Variants in IL2RG observed in about 807,000 individuals in gnomAD.
IL2RG encodes cytokine receptor common subunit gamma.
For missense variants in IL2RG, 205 were observed against 272.9 expected (o/e 0.75, Z 1.75); for synonymous variants, 111 against 108.5 (o/e 1.02, Z -0.15).
In IL2RG at chrX:71,110,139, C is replaced by T. The variant is rs1005449113; in HGVS notation, c.594+17G>A. The T allele has an allele frequency of 1.1e-5, 13 of 1,208,854 alleles. No individual in the cohort carries two copies. Among genetic ancestry groups the T allele is most frequent in the East Asian group, 5.9e-5 (2 of 33,812 alleles). On this transcript the variant is annotated intron_variant, in intron 4 of 7. Coordinates refer to ENST00000374202, the MANE Select transcript of IL2RG (RefSeq NM_000206.3). ...TTCTTGGCCTTAGCTGCTACATTCA[C>T]GTCCCTAGTCACTCACAGTCCAGCT...
Position 71,108,265 on chromosome X carries a change from C to G in IL2RG, c.924+12G>C, listed in dbSNP as rs1486616402. 1 of 1,168,258 alleles carries G rather than the reference C, an allele frequency of 8.6e-7. No individual in the cohort carries two copies. Among genetic ancestry groups the G allele is most frequent in the East Asian group, 3.0e-5 (1 of 33,694 alleles). On this transcript the variant is annotated intron_variant, in intron 7 of 7. Coordinates refer to ENST00000374202, the MANE Select transcript of IL2RG (RefSeq NM_000206.3). Reference sequence around the variant, plus strand: ...TTGATAGACTGCAGCATGCTTATGACAGCGTTCTCACCGAAAAGTTCCCGT... The same window carrying G: ...TTGATAGACTGCAGCATGCTTATGAGAGCGTTCTCACCGAAAAGTTCCCGT...
chrX:71,109,187 G>A, intron 5 of IL2RG, 41 bp downstream of exon 5: 4 of 1,175,358 alleles, frequency 3.4e-6, no homozygotes, highest in Non-Finnish European at 4.6e-6. Context: ...GAAAGGCTGG[G>A]GTGTTGGGCT....
rs773342053 is a variant in IL2RG at position 71,110,183 on chromosome X, G to A, written c.567C>T (p.Tyr189=). Residue 189 remains tyrosine (Y), a synonymous_variant, in exon 4 of 8, where the codon TAC becomes TAT. Transcript: ENST00000374202. The stretch of plus-strand genomic sequence containing the variant: ...TCCAGCTGTGGTCCCAGTCAGTCCG[G>A]TACTGCACCAAGTGCTCCAAACAGT... ...LNHCLEHLVQ[Y]RTDWDHSWTE... 49 of 1,208,596 alleles carry A rather than the reference G, an allele frequency of 4.1e-5. No homozygotes were observed. The South Asian group carries it at 6.7e-4, about 17-fold the overall frequency.
chrX:71,111,250 C>CAAGAAAGA (rs10693207), intron 1 of IL2RG, 175 bp downstream of exon 1: 3 of 694,889 alleles, frequency 4.3e-6, no homozygotes, highest in Non-Finnish European at 6.4e-6. Context: ...AACAAACAAA[C>CAAGAAAGA]AAGAAAGAAA....
intron 6 of IL2RG, 32 bp downstream of exon 6, chrX:71,108,567 C>T: frequency 9.7e-7 from 1 of 1,028,557 alleles, no homozygotes. Context: ...GCTACCGTTC[C>T]CCTCATTTTT....
Position 71,107,762 on chromosome X carries a change from A to G in IL2RG, c.1084T>C (p.Cys362Arg). ...NQHSPYWAPP[C>R]YTLKPET ...CAGGTTTCAGGCTTTAGGGTGTAAC[A>G]TGGGGGGGCCCAGTAGGGGCTATGC... Residue 362 changes from cysteine (C) to arginine (R), a missense_variant, in exon 8 of 8, where the codon TGT becomes CGT. Physicochemically the swap from Cys to Arg is radical, Grantham distance 180. Transcript: ENST00000374202. The G allele has an allele frequency of 1.7e-6, 2 of 1,151,619 alleles. No individual in the cohort carries two copies. The highest frequency in any genetic ancestry group is 2.3e-6 in the Non-Finnish European group (2 of 866,709). The allele number at this position is 1,151,619 out of a possible 1,213,427, so 94.9% of individuals were successfully genotyped here. A position where few individuals can be genotyped will look rare whatever the true frequency, so the allele number is the denominator to read the frequency against.
intron 5 of IL2RG, among the ~76,000 whole-genome samples, chrX:71,108,996 C>G (rs1004443516): frequency 8.9e-6 from 1 of 112,125 alleles, no homozygotes; most frequent in African/African-American, 3.2e-5. Context: ...CATTCTATAG[C>G]CCCCTTGAGT....
chrX:71,109,524 C>A, intron 4 of IL2RG, 134 bp from the exon 5 acceptor site: 1 of 583,901 alleles, frequency 1.7e-6, no homozygotes, highest in Non-Finnish European at 2.8e-6. Context: ...ACTCAAGCCA[C>A]ACTGCTCCCT....
intron 3 of IL2RG, 91 bp from the exon 4 acceptor site, chrX:71,110,386 T>C: frequency 9.0e-7 from 1 of 1,116,474 alleles, no homozygotes; most frequent in Non-Finnish European, 1.2e-6. Flanking sequence ...TCCCTTCCCA[T>C]CATGATCCCC....
rs1052065265 is a variant in IL2RG at position 71,108,775 on chromosome X, C to T, written c.758-80G>A. Reference sequence around the variant, plus strand: ...TGCCAGGCACTGGTGCCAGGCACCGCGCTAAAGACATACTCTCTGTTTAAT... The same window carrying T: ...TGCCAGGCACTGGTGCCAGGCACCGTGCTAAAGACATACTCTCTGTTTAAT... On this transcript the variant is annotated intron_variant, in intron 5 of 7. Transcript: ENST00000374202. 5.2e-5 allele frequency: 32 copies of T among 616,101 alleles called. No individual in the cohort carries two copies. The South Asian group carries it at 5.6e-4, about 11-fold the overall frequency. 50.8% of individuals were successfully genotyped at this position (616,101 alleles called of 1,213,427 possible).
intron 7 of IL2RG, 100 bp downstream of exon 7, chrX:71,108,177 C>A: frequency 1.5e-6 from 1 of 653,170 alleles, no homozygotes. Context: ...GCAGGGCCTC[C>A]TTCCCTCTCC....
At chrX:71,111,074 C>A (rs1370628317) in intron 1 of IL2RG, 24 bp from the exon 2 acceptor site, 1 of 1,169,840 alleles carries the variant, frequency 8.5e-7, no homozygotes, top group Admixed American at 2.4e-5. Context: ...AAAATGAAGG[C>A]AGGGAGGGAA....
In IL2RG at chrX:71,109,349, A is replaced by G; in HGVS notation, c.636T>C (p.Ser212=). 1 of 1,211,071 alleles carries G rather than the reference A, an allele frequency of 8.3e-7. No homozygotes were observed. The highest frequency in any genetic ancestry group is 1.1e-6 in the Non-Finnish European group (1 of 894,574). Residue 212 remains serine, a synonymous_variant, in exon 5 of 8, where the codon AGT becomes AGC. Coordinates refer to ENST00000374202, the MANE Select transcript of IL2RG (RefSeq NM_000206.3). ...VDYRHKFSLP[S]VDGQKRYTFR... ...ACGTGTAGCGTTTCTGCCCATCCACACTAGGCAAGGAGAACTTATGTCTAT... is the reference window on the plus strand; with the variant it reads ...ACGTGTAGCGTTTCTGCCCATCCACGCTAGGCAAGGAGAACTTATGTCTAT...
intron 1 of IL2RG, 150 bp downstream of exon 1, chrX:71,111,275 A>T: frequency 1.3e-6 from 1 of 774,258 alleles, no homozygotes; most frequent in Non-Finnish European, 1.9e-6. Context: ...AAGTAGCGTG[A>T]GGCAGGGAAC....
At position 71,111,145 on chromosome X, in the gene IL2RG, GC is replaced by G. The variant is rs767926866; in HGVS notation, c.116-96del. On this transcript the variant is annotated intron_variant, in intron 1 of 7. Coordinates refer to ENST00000374202, the MANE Select transcript of IL2RG (RefSeq NM_000206.3). ...GGTGGCTCATGTCTGTAATCCTGGT[GC>G]TTTGAAAGGCTGAGGCAGGAGGATC... is the stretch of plus-strand genomic sequence containing the variant. 129 of 905,536 alleles carry G rather than the reference GC, an allele frequency of 1.4e-4. No individual in the cohort carries two copies. The African/African-American group carries it at 1.9e-3, about 14-fold the overall frequency. 74.6% of individuals were successfully genotyped at this position (905,536 alleles called of 1,213,427 possible).
At chrX:71,109,165 A>T in intron 5 of IL2RG, 63 bp downstream of exon 5, 1 of 1,095,090 alleles carries the variant, frequency 9.1e-7, no homozygotes, top group Non-Finnish European at 1.3e-6. Context: ...GGAGCAAAAG[A>T]CAGTGGTGTT....
chrX:71,108,554 T>G, intron 6 of IL2RG, 45 bp downstream of exon 6: 1 of 961,518 alleles, frequency 1.0e-6, no homozygotes, highest in Admixed American at 2.5e-5. Flanking sequence ...TCTGCTATTG[T>G]CAGCTACCGT....
Position 71,107,767 on chromosome X carries a change from G to A in IL2RG, c.1079C>T (p.Pro360Leu), listed in dbSNP as rs2092253585. 1 of 1,152,682 alleles carries A rather than the reference G, an allele frequency of 8.7e-7. No homozygotes were observed. The highest frequency in any genetic ancestry group is 1.2e-6 in the Non-Finnish European group (1 of 867,291). The allele number at this position is 1,152,682 out of a possible 1,213,427, so 95.0% of individuals were successfully genotyped here. A position where few individuals can be genotyped will look rare whatever the true frequency, so the allele number is the denominator to read the frequency against. ...TTCAGGCTTTAGGGTGTAACATGGG[G>A]GGGCCCAGTAGGGGCTATGCTGGTT... ...PCNQHSPYWA[P>L]PCYTLKPET is the part of the protein sequence containing the mutation. The change falls in exon 8 of 8, where the codon CCC becomes CTC. Residue 360 changes from proline to leucine, a missense_variant. Coordinates refer to ENST00000374202, the MANE Select transcript of IL2RG (RefSeq NM_000206.3).
chrX:71,111,358 G>C, intron 1 of IL2RG, 67 bp downstream of exon 1: 1 of 1,176,073 alleles, frequency 8.5e-7, no homozygotes, highest in Non-Finnish European at 1.1e-6. Flanking sequence ...GCAGGCACCA[G>C]ATCTCTGTAC....
Sources: allele counts gnomAD v4.1 joint callset (sites outside exome capture counted in the v4.1 genomes callset), GRCh38; gene constraint gnomAD v4.1.1; transcripts MANE v1.5; gene names NCBI Gene and HGNC (gene_info 2026-07-23, HGNC 2026-07-21).